Variants in PASK observed in about 807,000 individuals in gnomAD.
PASK encodes the protein PAS domain containing serine/threonine kinase.
A neutral mutation model predicts 121.0 loss-of-function variants in PASK; 110 were observed. The ratio of observed to expected loss-of-function variants is 0.91; its 90% CI spans 0.78 to 1.06. The LOEUF (loss-of-function observed/expected upper bound fraction) is 1.06. Among genes scored for constraint, PASK ranks in the 50% least tolerant of loss-of-function variants. The probability of loss-of-function intolerance (pLI) is 0.00; values close to 1 mark genes in which losing one functional copy is unlikely to be tolerated. For synonymous variants in PASK, 686 were observed against 717.8 expected (o/e 0.96, Z 0.71); for missense variants, 1,643 against 1,702.3 (o/e 0.97, Z 0.61).
intron 15 of PASK, among the ~76,000 whole-genome samples, chr2:241,111,684 C>G (rs1262986110): frequency 6.6e-5 from 10 of 152,022 alleles, no homozygotes; most frequent in Non-Finnish European, 1.5e-4. Flanking sequence ...GATGCAAACT[C>G]AGCCACACAC....
chr2:241,117,314 A>G (rs1412422858), intron 12 of PASK, among the ~76,000 whole-genome samples: 2 of 152,142 alleles, frequency 1.3e-5, no homozygotes, highest in Non-Finnish European at 2.9e-5. Flanking sequence ...GGAAAGCAAG[A>G]AGACGAGGGG....
Position 241,126,829 on chromosome 2 carries a change from A to G in PASK, c.2086T>C (p.Ser696Pro), listed in dbSNP as rs766272789. The G allele has an allele frequency of 6.2e-7, 1 of 1,613,464 alleles. No individual in the cohort carries two copies. Among genetic ancestry groups the G allele is most frequent in the Admixed American group, 1.7e-5 (1 of 59,996 alleles). The change falls in exon 10 of 18, where the codon TCC becomes CCC. Residue 696 changes from serine (S) to proline (P), a missense_variant. This residue lies in a region of PASK where 1,176 missense variants were observed against 1,162.2 expected (regional missense o/e 1.01). Coordinates refer to ENST00000234040, the MANE Select transcript of PASK (RefSeq NM_015148.4). ...ECQAVTAPVS[S>P]CDLGGRDLCG... ...AGGTCTCTGCCTCCCAGATCGCAGGACGACACAGGAGCGGTGACAGCCTGG... is the reference window on the plus strand; with the variant it reads ...AGGTCTCTGCCTCCCAGATCGCAGGGCGACACAGGAGCGGTGACAGCCTGG...
At chr2:241,106,931 A>G (rs2064909244) in intron 17 of PASK, among the ~76,000 whole-genome samples, 1 of 152,198 alleles carries the variant, frequency 6.6e-6, no homozygotes, top group South Asian at 2.1e-4. Flanking sequence ...TGCTCTGAGC[A>G]GTGGTTTTGG....
At chr2:241,150,246 C>T, upstream of PASK, 4 of 1,290,468 alleles carry the variant, frequency 3.1e-6, no homozygotes, top group East Asian at 9.4e-5. Context: ...ACTCCCTCTG[C>T]TTTCCTTCCC....
In PASK at chr2:241,126,637, A is replaced by G; in HGVS notation, c.2278T>C (p.Ser760Pro). The G allele has an allele frequency of 6.2e-7, 1 of 1,614,178 alleles. No individual in the cohort carries two copies. The highest frequency in any genetic ancestry group is 1.1e-5 in the South Asian group (1 of 91,078). Residue 760 changes from serine to proline, a missense_variant, in exon 10 of 18, where the codon TCC (serine) becomes CCC (proline). By Grantham distance (74) the Ser-to-Pro change is moderately conservative. Transcript: ENST00000234040. The part of the protein sequence containing the change: ...DQTDQTSSNC[S>P]CATSELRETP... ...TCTCTGAGTTCAGACGTAGCACAGG[A>G]ACAATTTGATGACGTTTGGTCTGTC...
In PASK at chr2:241,135,880, C is replaced by G; in HGVS notation, c.1297G>C (p.Gly433Arg). The part of the protein sequence containing the change: ...DPWQGQDPAE[G>R]GQDPRINVVL... ...GAAGAGGACGTCTTACCCTGGCCCC[C>G]CTCAGCTGGGTCCTGGCCCTGCCAC... is the stretch of plus-strand genomic sequence containing the variant. Residue 433 changes from glycine (G) to arginine (R), a missense_variant, in exon 8 of 18, where the codon GGG becomes CGG. Gly to Arg is a moderately radical substitution (Grantham distance 125, BLOSUM62 -2). Around this residue, in one of 3 missense-constraint regions of PASK, gnomAD observed 1,176 missense variants for 1,162.2 expected, o/e 1.01. Coordinates refer to ENST00000234040, the MANE Select transcript of PASK (RefSeq NM_015148.4). 2 of 1,614,092 alleles carry G rather than the reference C, an allele frequency of 1.2e-6. No homozygotes were observed. The highest frequency in any genetic ancestry group is 1.7e-6 in the Non-Finnish European group (2 of 1,179,966).
In PASK at chr2:241,127,398, G is replaced by C. The variant is rs2065922063; in HGVS notation, c.1517C>G (p.Pro506Arg). The C allele has an allele frequency of 6.2e-7, 1 of 1,614,018 alleles. No homozygotes were observed. Among genetic ancestry groups the C allele is most frequent in the Non-Finnish European group, 8.5e-7 (1 of 1,179,920 alleles). Reference sequence around the variant, plus strand: ...CAAGGCAGTGATTTGCTGGTCCTTGGGCAGCGCCTGTTCACCGTGCACTGG... The same window carrying C: ...CAAGGCAGTGATTTGCTGGTCCTTGCGCAGCGCCTGTTCACCGTGCACTGG... The part of the protein sequence containing the change: ...SLPVHGEQAL[P>R]KDQQITALGR... The change falls in exon 10 of 18, where the codon CCC (proline) becomes CGC (arginine). Residue 506 changes from proline to arginine, a missense_variant. Pro to Arg is a moderately radical substitution (Grantham distance 103, BLOSUM62 -2). This residue lies in a region of PASK where 1,176 missense variants were observed against 1,162.2 expected (regional missense o/e 1.01). Transcript: ENST00000234040.
At chr2:241,147,450 T>C (rs1162614099) in intron 1 of PASK, among the ~76,000 whole-genome samples, 1 of 151,904 alleles carries the variant, frequency 6.6e-6, no homozygotes, top group African/African-American at 2.4e-5. Context: ...AGACCCCATC[T>C]CTACAAAAAA....
chr2:241,131,084 G>A (rs564018849), intron 9 of PASK, among the ~76,000 whole-genome samples: 1 of 152,280 alleles, frequency 6.6e-6, no homozygotes, highest in South Asian at 2.1e-4. Context: ...TTGGAAGACG[G>A]CCAGGGGAAC....
rs758068 is a variant in PASK at position 241,143,065 on chromosome 2, A to C, written c.-33T>G. 681,487 of 1,521,776 alleles carry C rather than the reference A, an allele frequency of 0.45. 152,827 individuals carry two copies. The highest frequency in any genetic ancestry group is 0.52 in the Middle Eastern group (3,074 of 5,872). The allele number at this position is 1,521,776 out of a possible 1,614,324, so 94.3% of individuals were successfully genotyped here. A position where few individuals can be genotyped will look rare whatever the true frequency, so the allele number is the denominator to read the frequency against. ...AGGGAGGCCAACTGCCAAGCTTCCA[A>C]CTCTAACAACTAGAAAACAACATGA... On this transcript the variant is annotated 5_prime_UTR_variant, in exon 2 of 18. Coordinates refer to ENST00000234040, the MANE Select transcript of PASK (RefSeq NM_015148.4).
chr2:241,132,651 G>T (rs527292526), intron 9 of PASK, among the ~76,000 whole-genome samples: 125 of 151,246 alleles, frequency 8.3e-4, no homozygotes, highest in African/African-American at 2.8e-3. Context: ...CAGTGAGACA[G>T]TAACACCATG....
In PASK at chr2:241,112,340, T is replaced by C. The variant is rs1348146313; in HGVS notation, c.3433A>G (p.Ile1145Val). The C allele has an allele frequency of 6.2e-7, 1 of 1,613,544 alleles. No homozygotes were observed. Among genetic ancestry groups the C allele is most frequent in the Non-Finnish European group, 8.5e-7 (1 of 1,179,678 alleles). ...VIAEDFTIKL[I>V]DFGSAAYLER... is the part of the protein sequence containing the mutation. ...AAGTAGGCGGCCGAGCCAAAGTCTATCAGCTTGATTGTGAAGTCCTCGGCG... is the reference window on the plus strand; with the variant it reads ...AAGTAGGCGGCCGAGCCAAAGTCTACCAGCTTGATTGTGAAGTCCTCGGCG... Residue 1145 changes from isoleucine to valine, a missense_variant, in exon 15 of 18, where the codon ATA becomes GTA. Physicochemically the swap from Ile to Val is conservative, Grantham distance 29. Coordinates refer to ENST00000234040, the MANE Select transcript of PASK (RefSeq NM_015148.4). This position sits in a 1 kb window ranked among gnomAD's most constrained non-coding sequence, Gnocchi z 5.2.
Position 241,126,232 on chromosome 2 carries a change from A to C in PASK, c.2683T>G (p.Ser895Ala), listed in dbSNP as rs1280333672. The C allele has an allele frequency of 2.5e-6, 4 of 1,613,904 alleles. No homozygotes were observed. Among genetic ancestry groups the C allele is most frequent in the Non-Finnish European group, 3.4e-6 (4 of 1,180,020 alleles). ...LQREIQEGAY[S>A]GSCYHRDGLR... The stretch of plus-strand genomic sequence containing the variant: ...CCATCTCGATGGTAGCAGCTCCCGG[A>C]GTAGGCACCCTCCTGGATCTCCCGC... Residue 895 changes from serine (S) to alanine (A), a missense_variant, in exon 10 of 18, where the codon TCC (serine) becomes GCC (alanine). Coordinates refer to ENST00000234040, the MANE Select transcript of PASK (RefSeq NM_015148.4).
At chr2:241,126,011 G>C (rs1559374347) in intron 10 of PASK, among the ~76,000 whole-genome samples, 185 bp downstream of exon 10, 1 of 152,210 alleles carries the variant, frequency 6.6e-6, no homozygotes, top group African/African-American at 2.4e-5. Flanking sequence ...CCCTCCCCAG[G>C]CACACACATT....
chr2:241,136,219 A>G (rs547280027), intron 7 of PASK, among the ~76,000 whole-genome samples, 180 bp from the exon 8 acceptor site: 2 of 152,348 alleles, frequency 1.3e-5, no homozygotes, highest in South Asian at 2.1e-4. Flanking sequence ...GATGCTCAAC[A>G]TGTGATCTGT....
At chr2:241,150,065 G>A, upstream of PASK, 1 of 1,332,694 alleles carries the variant, frequency 7.5e-7, no homozygotes, top group Non-Finnish European at 9.6e-7. Flanking sequence ...ATGCACGTAG[G>A]ACTGGCCCGC....
At chr2:241,136,971 G>A in intron 7 of PASK, 33 bp downstream of exon 7, 1 of 1,604,024 alleles carries the variant, frequency 6.2e-7, no homozygotes. Flanking sequence ...TTCCTCCCAG[G>A]GAACGGGAGC....
At chr2:241,116,722 T>C (rs1301837291) in intron 12 of PASK, among the ~76,000 whole-genome samples, 2 of 152,170 alleles carry the variant, frequency 1.3e-5, no homozygotes, top group East Asian at 3.9e-4. Flanking sequence ...GAAAGAACAC[T>C]GCAAGTCGCT....
intron 9 of PASK, among the ~76,000 whole-genome samples, chr2:241,128,861 CAA>C (rs369488269): frequency 3.1e-4 from 45 of 144,434 alleles, no homozygotes; most frequent in Non-Finnish European, 5.5e-4. Context: ...AAGACCATCT[CAA>C]AAAAAAAAAG....
Sources: gnomAD v4.1 joint callset for allele counts (sites outside exome capture counted in the v4.1 genomes callset) on GRCh38, gnomAD v4.1.1 for gene constraint, gnomAD v4.1.1 regional missense constraint, Gnocchi (gnomAD v3.1) non-coding constraint, MANE v1.5 for transcripts, NCBI Gene and HGNC (gene_info 2026-07-23, HGNC 2026-07-21) for gene names.